The following ARHGAP28 variants were observed in gnomAD, a reference collection of about 807,000 sequenced individuals.
The protein encoded by ARHGAP28 is rho GTPase-activating protein 28.
A neutral mutation model predicts 90.7 loss-of-function variants in ARHGAP28; 56 were observed. The ratio of observed to expected loss-of-function variants is 0.62; its 90% CI spans 0.50 to 0.77. The LOEUF (loss-of-function observed/expected upper bound fraction) is 0.77, where lower values mean the gene tolerates loss of function less well. Among genes scored for constraint, ARHGAP28 ranks in the 30% least tolerant of loss-of-function variants. The pLI is 0.00. For synonymous variants in ARHGAP28, 308 were observed against 323.3 expected (o/e 0.95, Z 0.51); for missense variants, 869 against 900.9 (o/e 0.96, Z 0.45).
intron 1 of ARHGAP28, among the ~76,000 whole-genome samples, chr18:6,807,281 C>T (rs148474774): frequency 6.6e-6 from 1 of 152,216 alleles, no homozygotes; most frequent in African/African-American, 2.4e-5. Context: ...AATTCTGTCA[C>T]CTGTCATTAC....
intron 1 of ARHGAP28, among the ~76,000 whole-genome samples, chr18:6,753,514 T>C (rs1265879332): frequency 6.6e-6 from 1 of 152,208 alleles, no homozygotes; most frequent in Non-Finnish European, 1.5e-5. Flanking sequence ...TACAAGAAAG[T>C]TTCAGTTTAT....
intron 1 of ARHGAP28, among the ~76,000 whole-genome samples, chr18:6,816,459 A>T (rs1383199260): frequency 6.6e-6 from 1 of 152,178 alleles, no homozygotes; most frequent in Non-Finnish European, 1.5e-5. Flanking sequence ...TTTCTTTTGA[A>T]AGAGTCCTGC....
chr18:6,895,316 C>T (rs947569244), intron 15 of ARHGAP28, among the ~76,000 whole-genome samples: 20 of 152,076 alleles, frequency 1.3e-4, no homozygotes, highest in Non-Finnish European at 2.6e-4. Flanking sequence ...AACTCCTGCT[C>T]TCATGGTCCT....
chr18:6,794,048 T>G (rs866065092), intron 1 of ARHGAP28, among the ~76,000 whole-genome samples: 11 of 152,282 alleles, frequency 7.2e-5, no homozygotes, highest in Middle Eastern at 3.4e-3. Flanking sequence ...TAAACAATAT[T>G]TCTCATTAAG....
intron 1 of ARHGAP28, among the ~76,000 whole-genome samples, chr18:6,767,010 T>G (rs2056205027): frequency 6.6e-6 from 1 of 152,218 alleles, no homozygotes; most frequent in Non-Finnish European, 1.5e-5. Flanking sequence ...ATGTTTACTA[T>G]TTATCCCATC....
chr18:6,852,507 T>G (rs2056918387), intron 4 of ARHGAP28, among the ~76,000 whole-genome samples: 1 of 152,212 alleles, frequency 6.6e-6, no homozygotes, highest in Admixed American at 6.5e-5. Flanking sequence ...ATCTGTTTGC[T>G]TCATATAAAA....
chr18:6,730,221 G>GTATGTATGTATATATATATATATATATA lies in ARHGAP28; in HGVS notation c.122+281_122+282insGTATGTATATATATATATATATATATAT, dbSNP rs1555621918. 15 of 175,076 alleles carry GTATGTATGTATATATATATATATATATA rather than the reference G, an allele frequency of 8.6e-5. No individual in the cohort carries two copies. In the East Asian group the frequency reaches 1.4e-3, roughly 16 times the overall value. The allele number at this position is 175,076 out of a possible 1,614,324, so 10.8% of individuals were successfully genotyped here. A position where few individuals can be genotyped will look rare whatever the true frequency, so the allele number is the denominator to read the frequency against. On this transcript the variant is annotated intron_variant, in intron 1 of 17. Coordinates refer to ENST00000383472, the MANE Select transcript of ARHGAP28 (RefSeq NM_001366230.1). ...GATACGATTTGAGGATAAGTCATGT[G>GTATGTATGTATATATATATATATATATA]TATATATATATATATACCTCATTTC...
At chr18:6,819,343 A>G (rs1473117150) in intron 1 of ARHGAP28, among the ~76,000 whole-genome samples, 1 of 152,318 alleles carries the variant, frequency 6.6e-6, no homozygotes, top group East Asian at 1.9e-4. Context: ...GAATAAATAT[A>G]AAAATCTATA....
intron 2 of ARHGAP28, among the ~76,000 whole-genome samples, chr18:6,827,328 A>G (rs1345515072): frequency 1.6e-5 from 2 of 128,574 alleles, no homozygotes; most frequent in African/African-American, 6.0e-5. Flanking sequence ...TGAACCCTCC[A>G]CCTCCCTCCC....
chr18:6,772,742 A>G (rs536212616), intron 1 of ARHGAP28, among the ~76,000 whole-genome samples: 1 of 148,796 alleles, frequency 6.7e-6, no homozygotes, highest in Non-Finnish European at 1.5e-5. Flanking sequence ...TTTATTTTTT[A>G]TTTTTTTTTG....
intron 2 of ARHGAP28, among the ~76,000 whole-genome samples, 185 bp from the exon 3 acceptor site, chr18:6,837,006 GAAAATA>G (rs2056758736): frequency 6.6e-6 from 1 of 152,044 alleles, no homozygotes; most frequent in Admixed American, 6.5e-5. Context: ...TACTCTATTA[GAAAATA>G]CTTTAAAATT....
In ARHGAP28 at chr18:6,912,902, C is replaced by A. The variant is rs1177788326; in HGVS notation, c.*748C>A. On this transcript the variant is annotated 3_prime_UTR_variant, in exon 18 of 18. Coordinates refer to ENST00000383472, the MANE Select transcript of ARHGAP28 (RefSeq NM_001366230.1). ...AAAGGGTGTCATATGCTTTCCTAAC[C>A]TGATTTGTAGTTAACATTCACAGAG... 1 of 152,166 alleles carries A rather than the reference C, an allele frequency of 6.6e-6. No individual in the cohort carries two copies. The highest frequency in any genetic ancestry group is 2.4e-5 in the African/African-American group (1 of 41,434). 9.4% of individuals were successfully genotyped at this position (152,166 alleles called of 1,614,324 possible). A position where few individuals can be genotyped will look rare whatever the true frequency, so the allele number is the denominator to read the frequency against.
At chr18:6,746,539 C>A (rs1377685019) in intron 1 of ARHGAP28, among the ~76,000 whole-genome samples, 3 of 152,166 alleles carry the variant, frequency 2.0e-5, no homozygotes, top group Non-Finnish European at 4.4e-5. Flanking sequence ...GCAAGCCTAT[C>A]CTAGCAAAAT....
chr18:6,752,749 G>C (rs1021306637), intron 1 of ARHGAP28, among the ~76,000 whole-genome samples: 3 of 152,138 alleles, frequency 2.0e-5, no homozygotes, highest in Non-Finnish European at 4.4e-5. Context: ...CTCAGCTTAA[G>C]AGTATGGACC....
intron 1 of ARHGAP28, among the ~76,000 whole-genome samples, chr18:6,800,852 G>T (rs2056476643): frequency 6.6e-6 from 1 of 152,246 alleles, no homozygotes; most frequent in Admixed American, 6.5e-5. Flanking sequence ...AGAACTTAAA[G>T]TATAATTTAA....
chr18:6,742,447 G>T (rs2051418875), intron 1 of ARHGAP28, among the ~76,000 whole-genome samples: 1 of 152,106 alleles, frequency 6.6e-6, no homozygotes, highest in Admixed American at 6.5e-5. Context: ...AGGGATTACA[G>T]CCGTGAGCCA....
intron 1 of ARHGAP28, among the ~76,000 whole-genome samples, chr18:6,796,744 C>A (rs2056444764): frequency 6.6e-6 from 1 of 152,112 alleles, no homozygotes; most frequent in African/African-American, 2.4e-5. Flanking sequence ...TCCCATAAAA[C>A]CTTTGGTGAT....
At chr18:6,797,862 A>G (rs1276716239) in intron 1 of ARHGAP28, among the ~76,000 whole-genome samples, 1 of 152,012 alleles carries the variant, frequency 6.6e-6, no homozygotes, top group Non-Finnish European at 1.5e-5. Flanking sequence ...GGGTTTCACC[A>G]TGTTGGTCAG....
intron 7 of ARHGAP28, among the ~76,000 whole-genome samples, chr18:6,871,705 C>T (rs1263032287): frequency 6.6e-6 from 1 of 152,048 alleles, no homozygotes; most frequent in Non-Finnish European, 1.5e-5. Context: ...ATGAGCAGGG[C>T]CCAGGCAGTT....
Sources: gnomAD v4.1 joint callset for allele counts (sites outside exome capture counted in the v4.1 genomes callset) on GRCh38, gnomAD v4.1.1 for gene constraint, MANE v1.5 for transcripts, NCBI Gene and HGNC (gene_info 2026-07-23, HGNC 2026-07-21) for gene names.